HGF: variants seen among roughly 807,000 people sequenced by gnomAD.
HGF encodes fibroblast-derived tumor cytotoxic factor.
In HGF, 39 loss-of-function variants were observed where a neutral mutation model predicts 111.6. The observed-to-expected ratio is 0.35, with a 90% CI of 0.27 to 0.46. HGF has a LOEUF of 0.46. Ranked by LOEUF, HGF falls within the 20% of genes least tolerant of loss-of-function variation. The pLI is 1.00. For synonymous variants in HGF, 285 were observed against 294.8 expected, an observed-to-expected ratio of 0.97 and a Z score of 0.34; for missense variants, 735 against 910.5, an observed-to-expected ratio of 0.81 and a Z score of 2.48.
At chr7:81,727,710 T>C (rs1225055372) in intron 8 of HGF, among the ~76,000 whole-genome samples, 8 of 152,164 alleles carry the variant, frequency 5.3e-5, no homozygotes, top group Admixed American at 5.2e-4. Flanking sequence ...GGTCTTGAAC[T>C]CCTGACCTCA....
intron 11 of HGF, among the ~76,000 whole-genome samples, chr7:81,715,854 T>C (rs938429259): frequency 3.9e-5 from 6 of 152,184 alleles, no homozygotes; most frequent in Non-Finnish European, 7.4e-5. Context: ...TCAAGGTACT[T>C]GCTACTACTA....
At chr7:81,767,273 C>T (rs540734033) in intron 1 of HGF, among the ~76,000 whole-genome samples, 1 of 150,658 alleles carries the variant, frequency 6.6e-6, no homozygotes, top group South Asian at 2.1e-4. Context: ...CACTGCTGCT[C>T]GCTTCAATAT....
intron 11 of HGF, among the ~76,000 whole-genome samples, chr7:81,712,517 A>G (rs1343926542): frequency 1.3e-5 from 2 of 152,228 alleles, no homozygotes; most frequent in African/African-American, 4.8e-5. Context: ...AATTAATTCT[A>G]ATTAAAACCT....
At chr7:81,711,275 G>C (rs1364173718) in intron 12 of HGF, among the ~76,000 whole-genome samples, 1 of 152,048 alleles carries the variant, frequency 6.6e-6, no homozygotes, top group Non-Finnish European at 1.5e-5. Flanking sequence ...CAAGAGAATT[G>C]AATTTTTATA....
intron 5 of HGF, among the ~76,000 whole-genome samples, chr7:81,750,491 G>C (rs544845469): frequency 6.6e-6 from 1 of 152,276 alleles, no homozygotes; most frequent in East Asian, 1.9e-4. Flanking sequence ...AATTATTAAA[G>C]ATACTAGACA....
chr7:81,713,746 G>A (rs1378140097), intron 11 of HGF, among the ~76,000 whole-genome samples: 1 of 152,014 alleles, frequency 6.6e-6, no homozygotes, highest in East Asian at 1.9e-4. Context: ...CATGCCTGGA[G>A]TAAAACTTGA....
chr7:81,759,947 C>CA (rs1381680683), intron 2 of HGF, among the ~76,000 whole-genome samples: 6 of 152,040 alleles, frequency 3.9e-5, no homozygotes, highest in South Asian at 2.1e-4. Flanking sequence ...GATAAATACG[C>CA]AAAAAAATGA....
At chr7:81,702,817 A>C in intron 17 of HGF, 60 bp from the exon 18 acceptor site, 1 of 1,333,416 alleles carries the variant, frequency 7.5e-7, no homozygotes, top group Non-Finnish European at 1.1e-6. Context: ...GCTCATTAAC[A>C]TAATCATATA....
chr7:81,710,390 A>G, intron 12 of HGF, 147 bp from the exon 13 acceptor site: 1 of 678,032 alleles, frequency 1.5e-6, no homozygotes, highest in Non-Finnish European at 2.7e-6. Context: ...GAAGTTTAAT[A>G]TGACCGCAGC....
intron 9 of HGF, among the ~76,000 whole-genome samples, chr7:81,721,598 G>T (rs1273791286): frequency 6.6e-6 from 1 of 152,120 alleles, no homozygotes; most frequent in East Asian, 1.9e-4. Context: ...AGTCACCCAA[G>T]TCAGCTGTTT....
chr7:81,738,133 TTA>T (rs1787895264), intron 7 of HGF, among the ~76,000 whole-genome samples: 1 of 152,036 alleles, frequency 6.6e-6, no homozygotes, highest in African/African-American at 2.4e-5. Context: ...GGTACTAAGT[TTA>T]ATGCCTGGGT....
At chr7:81,715,786 A>T (rs718837) in intron 11 of HGF, among the ~76,000 whole-genome samples, 1 of 152,166 alleles carries the variant, frequency 6.6e-6, no homozygotes, top group Non-Finnish European at 1.5e-5. Context: ...TTTTAAAAGC[A>T]ACATTATTAT....
At chr7:81,733,190 C>T (rs757831) in intron 7 of HGF, among the ~76,000 whole-genome samples, 117,119 of 151,820 alleles carry the variant, frequency 0.77, 45,369 homozygotes, top group Middle Eastern at 0.88. Context: ...AACCCAAATG[C>T]TGGCTTTGGA....
At chr7:81,742,779 CAG>C (rs1788060149) in intron 7 of HGF, 1 of 1,533,790 alleles carries the variant, frequency 6.5e-7, no homozygotes, top group Non-Finnish European at 8.8e-7. Flanking sequence ...TGCTAAAAGA[CAG>C]ATCGAAACAG....
chr7:81,712,675 T>A (rs931041839), intron 11 of HGF, among the ~76,000 whole-genome samples: 3 of 152,168 alleles, frequency 2.0e-5, no homozygotes, highest in African/African-American at 7.2e-5. Flanking sequence ...TATTCAGAAT[T>A]GATGGCATAG....
intron 11 of HGF, among the ~76,000 whole-genome samples, chr7:81,712,888 T>C (rs2115814581): frequency 6.6e-6 from 1 of 152,306 alleles, no homozygotes; most frequent in South Asian, 2.1e-4. Context: ...TTTAAATGAA[T>C]AGGTTAATGG....
chr7:81,711,773 A>T (rs1789577063), intron 11 of HGF, among the ~76,000 whole-genome samples: 1 of 152,072 alleles, frequency 6.6e-6, no homozygotes, highest in African/African-American at 2.4e-5. Flanking sequence ...CCTCCCAAGT[A>T]GCTGGAACCA....
intron 4 of HGF, chr7:81,755,959 T>G (rs746562790): frequency 1.4e-6 from 1 of 700,120 alleles, no homozygotes; most frequent in South Asian, 1.5e-5. Context: ...TCTGTGTTGG[T>G]CAATAACTCA....
chr7:81,747,443 A>C (rs1410573880), intron 5 of HGF, among the ~76,000 whole-genome samples: 1 of 152,240 alleles, frequency 6.6e-6, no homozygotes, highest in Non-Finnish European at 1.5e-5. Context: ...TAAATTATAA[A>C]GGGACAAAAT....
Sources: gnomAD v4.1 joint callset for allele counts (sites outside exome capture counted in the v4.1 genomes callset) on GRCh38, gnomAD v4.1.1 for gene constraint, MANE v1.5 for transcripts, NCBI Gene and HGNC (gene_info 2026-07-23, HGNC 2026-07-21) for gene names.